The following PLCL1 variants were observed in gnomAD, a reference collection of about 807,000 sequenced individuals.
The protein encoded by PLCL1 is phospholipase C like 1 (inactive), also known as inactive phospholipase C-like protein 1.
In PLCL1, 41 loss-of-function variants were observed where a neutral mutation model predicts 84.4. The ratio of observed to expected loss-of-function variants is 0.49; its 90% CI spans 0.38 to 0.63. The LOEUF (loss-of-function observed/expected upper bound fraction) is 0.63. PLCL1 is among the 30% of genes least tolerant of loss of function. The pLI, the probability that PLCL1 is intolerant of heterozygous loss-of-function variation, is 0.00. For synonymous variants in PLCL1, 490 were observed against 488.3 expected (o/e 1.00, Z -0.05); for missense variants, 1,206 against 1,367.8 (o/e 0.88, Z 1.87).
intron 1 of PLCL1, among the ~76,000 whole-genome samples, chr2:197,938,377 C>T (rs1689089336): frequency 1.3e-5 from 2 of 152,160 alleles, no homozygotes; most frequent in South Asian, 2.1e-4. Flanking sequence ...TCCAAAATTC[C>T]AGAATAGTTT....
chr2:197,978,485 C>CA (rs1385938276), intron 1 of PLCL1, among the ~76,000 whole-genome samples: 1 of 152,040 alleles, frequency 6.6e-6, no homozygotes, highest in African/African-American at 2.4e-5. Context: ...CTCAAAAAAA[C>CA]AAAAACAAAG....
intron 1 of PLCL1, among the ~76,000 whole-genome samples, chr2:197,990,723 A>G (rs1197233053): frequency 8.5e-5 from 13 of 152,158 alleles, no homozygotes; most frequent in African/African-American, 2.9e-4. Flanking sequence ...ATGAGATTTG[A>G]GTGGGGACAC....
At chr2:197,853,423 C>T (rs1383852058) in intron 1 of PLCL1, among the ~76,000 whole-genome samples, 2 of 152,098 alleles carry the variant, frequency 1.3e-5, no homozygotes, top group South Asian at 4.1e-4. Context: ...GTAATTCTAG[C>T]TTTAATTTTT....
chr2:197,941,387 G>A (rs2105774512), intron 1 of PLCL1, among the ~76,000 whole-genome samples: 1 of 152,192 alleles, frequency 6.6e-6, no homozygotes, highest in South Asian at 2.1e-4. Flanking sequence ...GACCTCCCAG[G>A]CTTGAGCAAT....
At chr2:197,924,974 C>T (rs1057389454) in intron 1 of PLCL1, among the ~76,000 whole-genome samples, 7 of 152,080 alleles carry the variant, frequency 4.6e-5, no homozygotes, top group Non-Finnish European at 7.3e-5. Flanking sequence ...GGCAATCAAA[C>T]AATCTGAAAT....
At chr2:198,006,902 C>T (rs910884418) in intron 1 of PLCL1, among the ~76,000 whole-genome samples, 2 of 152,132 alleles carry the variant, frequency 1.3e-5, no homozygotes, top group African/African-American at 4.8e-5. Flanking sequence ...CTTTCATTTT[C>T]CTAGGAAGGT....
At chr2:197,976,702 C>T (rs1213334331) in intron 1 of PLCL1, among the ~76,000 whole-genome samples, 1 of 152,210 alleles carries the variant, frequency 6.6e-6, no homozygotes, top group Admixed American at 6.5e-5. Context: ...CCACCTTGGC[C>T]TCCCAAAGTG....
intron 5 of PLCL1, among the ~76,000 whole-genome samples, chr2:198,125,423 T>C (rs1191922579): frequency 1.4e-5 from 2 of 145,962 alleles, no homozygotes. Context: ...ATAAACAACA[T>C]GTGGTTTACA....
intron 1 of PLCL1, among the ~76,000 whole-genome samples, chr2:197,814,746 A>G (rs1461567412): frequency 6.6e-6 from 1 of 152,218 alleles, no homozygotes; most frequent in East Asian, 1.9e-4. Flanking sequence ...TCCAGGAAGC[A>G]TATGAATGAT....
chr2:197,979,547 A>T (rs1559063133), intron 1 of PLCL1, among the ~76,000 whole-genome samples: 1 of 152,122 alleles, frequency 6.6e-6, no homozygotes, highest in East Asian at 1.9e-4. Context: ...CAGAAGAATC[A>T]TCTCTGGTGG....
At chr2:197,876,023 T>C (rs1389028476) in intron 1 of PLCL1, among the ~76,000 whole-genome samples, 1 of 152,156 alleles carries the variant, frequency 6.6e-6, no homozygotes, top group Non-Finnish European at 1.5e-5. Flanking sequence ...TCCCCAAAAC[T>C]TGGACTCCCA....
intron 1 of PLCL1, among the ~76,000 whole-genome samples, chr2:198,068,984 G>A (rs1184270187): frequency 1.3e-5 from 2 of 151,994 alleles, no homozygotes; most frequent in African/African-American, 4.8e-5. Context: ...GCAGTGAGCT[G>A]AGGTTGCACC....
At chr2:198,034,849 C>T (rs980746879) in intron 1 of PLCL1, among the ~76,000 whole-genome samples, 4 of 152,076 alleles carry the variant, frequency 2.6e-5, no homozygotes, top group Non-Finnish European at 4.4e-5. Context: ...TTCGGTATTT[C>T]GTTGTTTTTC....
intron 1 of PLCL1, among the ~76,000 whole-genome samples, chr2:197,949,441 T>C (rs1476299641): frequency 6.6e-6 from 1 of 152,220 alleles, no homozygotes; most frequent in East Asian, 1.9e-4. Flanking sequence ...TCTTGTGTAA[T>C]GGGGTAAAAA....
intron 1 of PLCL1, among the ~76,000 whole-genome samples, chr2:197,864,810 C>A (rs2105697707): frequency 6.6e-6 from 1 of 152,262 alleles, no homozygotes; most frequent in South Asian, 2.1e-4. Context: ...TTCAACCGGA[C>A]ACATTTTTAT....
At chr2:197,848,098 A>T (rs1687155478) in intron 1 of PLCL1, among the ~76,000 whole-genome samples, 1 of 152,242 alleles carries the variant, frequency 6.6e-6, no homozygotes, top group Non-Finnish European at 1.5e-5. Context: ...TAAAGCACAT[A>T]TATACTAAAG....
chr2:197,841,589 A>G (rs1687004315), intron 1 of PLCL1, among the ~76,000 whole-genome samples: 1 of 152,188 alleles, frequency 6.6e-6, no homozygotes. Flanking sequence ...GTATGGATGT[A>G]CCACAGTTTG....
intron 1 of PLCL1, among the ~76,000 whole-genome samples, chr2:198,033,744 C>T (rs1008157463): frequency 6.6e-6 from 1 of 152,132 alleles, no homozygotes; most frequent in Non-Finnish European, 1.5e-5. Context: ...TCTCCGTTTA[C>T]GTGATTTATT....
chr2:197,928,056 G>T (rs1282147352), intron 1 of PLCL1, among the ~76,000 whole-genome samples: 1 of 151,996 alleles, frequency 6.6e-6, no homozygotes, highest in Non-Finnish European at 1.5e-5. Flanking sequence ...CTGGTATATT[G>T]CTTTATATCT....
Sources: allele counts gnomAD v4.1 joint callset (sites outside exome capture counted in the v4.1 genomes callset), GRCh38; gene constraint gnomAD v4.1.1; transcripts MANE v1.5; gene names NCBI Gene and HGNC (gene_info 2026-07-23, HGNC 2026-07-21).